Variants in TAF3 observed in about 807,000 individuals in gnomAD.
The protein encoded by TAF3 is transcription initiation factor TFIID subunit 3.
In TAF3, 7 loss-of-function variants were observed where a neutral mutation model predicts 80.6. The observed-to-expected ratio is 0.09, with a 90% CI of 0.05 to 0.16. TAF3 has a LOEUF of 0.16. Among genes scored for constraint, TAF3 ranks in the 10% least tolerant of loss-of-function variants. The pLI is 1.00. For missense variants in TAF3, 921 were observed against 1,140.2 expected (o/e 0.81, Z 2.77); for synonymous variants, 444 against 446.1 (o/e 1.00, Z 0.06).
intron 2 of TAF3, among the ~76,000 whole-genome samples, chr10:7,887,460 A>C (rs1285365656): frequency 6.6e-6 from 1 of 152,042 alleles, no homozygotes; most frequent in Non-Finnish European, 1.5e-5. Context: ...GAGACTCCGG[A>C]TGTAGCTCTT....
At chr10:7,917,544 A>T (rs4749351) in intron 2 of TAF3, among the ~76,000 whole-genome samples, 28,213 of 152,080 alleles carry the variant, frequency 0.19, 2,837 homozygotes, top group East Asian at 0.3. Context: ...TGGACTTGGG[A>T]TTTTTTTCTA....
intron 2 of TAF3, among the ~76,000 whole-genome samples, chr10:7,920,328 G>A (rs12246740): frequency 2.4e-4 from 8 of 33,534 alleles, no homozygotes; most frequent in East Asian, 4.2e-3. Context: ...GTGTGTGTGT[G>A]TGTATGTGTG....
At position 7,818,873 on chromosome 10, in the gene TAF3, T is replaced by C; in HGVS notation, c.164T>C (p.Leu55Pro). The C allele has an allele frequency of 6.8e-7, 1 of 1,479,974 alleles. No individual in the cohort carries two copies. Among genetic ancestry groups the C allele is most frequent in the Non-Finnish European group, 8.9e-7 (1 of 1,124,102 alleles). 91.7% of individuals were successfully genotyped at this position (1,479,974 alleles called of 1,614,324 possible). Residue 55 changes from leucine (L) to proline (P), a missense_variant and splice_region_variant, in exon 1 of 7, where the codon CTC (leucine) becomes CCC (proline). By Grantham distance (98) the Leu-to-Pro change is moderately conservative. Around this residue, in one of 6 missense-constraint regions of TAF3, gnomAD observed 106 missense variants for 191.8 expected, o/e 0.55. Coordinates refer to ENST00000344293, the MANE Select transcript of TAF3 (RefSeq NM_031923.4). ...CGGGGCTGCCATCGGTACTCTGAGC[T>C]CTGTGAGTACCGGGCTGGGTGCGGG... ...LGRGCHRYSE[L>P]YGRTDPILDD...
chr10:7,846,949 T>G (rs1836978397), intron 2 of TAF3, among the ~76,000 whole-genome samples: 1 of 152,216 alleles, frequency 6.6e-6, no homozygotes, highest in Non-Finnish European at 1.5e-5. Flanking sequence ...ATTTCAAGAA[T>G]AGATTAAAAA....
intron 3 of TAF3, among the ~76,000 whole-genome samples, chr10:7,967,943 A>AG (rs1831588529): frequency 6.6e-6 from 1 of 152,238 alleles, no homozygotes; most frequent in African/African-American, 2.4e-5. Flanking sequence ...AGGACAACCC[A>AG]GGGAAATGCC....
intron 2 of TAF3, among the ~76,000 whole-genome samples, chr10:7,877,163 G>A (rs983503829): frequency 6.6e-6 from 1 of 151,820 alleles, no homozygotes; most frequent in Admixed American, 6.6e-5. Flanking sequence ...CACAAATTTA[G>A]GTGATAATTA....
intron 4 of TAF3, among the ~76,000 whole-genome samples, chr10:7,983,890 C>A (rs1385460709): frequency 6.6e-6 from 1 of 151,264 alleles, no homozygotes; most frequent in East Asian, 1.9e-4. Context: ...AGCAAAATAA[C>A]AACAATGACA....
chr10:7,957,824 T>C (rs1477668502), intron 2 of TAF3, among the ~76,000 whole-genome samples: 1 of 151,478 alleles, frequency 6.6e-6, no homozygotes, highest in African/African-American at 2.4e-5. Context: ...TCTCTCTCTC[T>C]CTCGATGTTG....
chr10:7,913,658 C>T (rs1044482644), intron 2 of TAF3, among the ~76,000 whole-genome samples: 6 of 152,162 alleles, frequency 3.9e-5, no homozygotes, highest in African/African-American at 1.2e-4. Context: ...GCAATGTGGT[C>T]GCTGTGCCAG....
Position 7,863,626 on chromosome 10 carries a change from A to AAAAAATATAT in TAF3, c.409+39067_409+39068insAAAATATATA, listed in dbSNP as rs1218836662. Among the ~76,000 whole-genome samples, 10 of 48,098 alleles carry AAAAAATATAT rather than the reference A, an allele frequency of 2.1e-4. 1 individual carries two copies. Among genetic ancestry groups the AAAAAATATAT allele is most frequent in the East Asian group, 1.0e-3 (1 of 972 alleles). 31.6% of individuals were successfully genotyped at this position (48,098 alleles called of 152,430 possible). On this transcript the variant is annotated intron_variant, in intron 2 of 6. Coordinates refer to ENST00000344293, the MANE Select transcript of TAF3 (RefSeq NM_031923.4). ...CTCTGTCTAAAAAAAAAAAAAAAAA[A>AAAAAATATAT]ATATATATATATATATATATACACA...
chr10:7,843,523 T>C (rs1836939918), intron 2 of TAF3, among the ~76,000 whole-genome samples: 1 of 152,208 alleles, frequency 6.6e-6, no homozygotes, highest in African/African-American at 2.4e-5. Flanking sequence ...CTTAGTCATA[T>C]TGAAGATGTT....
intron 2 of TAF3, among the ~76,000 whole-genome samples, chr10:7,865,337 G>GGC (rs1837200353): frequency 6.6e-6 from 1 of 152,160 alleles, no homozygotes. Flanking sequence ...AAATTAGCCA[G>GGC]GTATGGTGGC....
intron 2 of TAF3, among the ~76,000 whole-genome samples, chr10:7,826,820 A>G (rs897181681): frequency 4.6e-5 from 7 of 152,190 alleles, no homozygotes; most frequent in African/African-American, 1.4e-4. Context: ...ACCATACAAG[A>G]CCATTTCTTG....
chr10:7,921,753 G>C (rs1349126179), intron 2 of TAF3, among the ~76,000 whole-genome samples: 1 of 152,098 alleles, frequency 6.6e-6, no homozygotes, highest in Non-Finnish European at 1.5e-5. Flanking sequence ...TGAGATTTCA[G>C]CCAAATGGCT....
intron 2 of TAF3, among the ~76,000 whole-genome samples, chr10:7,897,653 T>A (rs1837517383): frequency 6.6e-6 from 1 of 151,428 alleles, no homozygotes; most frequent in African/African-American, 2.4e-5. Context: ...ATTCTCTCTC[T>A]CTCTCTCTTT....
chr10:7,922,075 G>T (rs1388398050), intron 2 of TAF3, among the ~76,000 whole-genome samples: 1 of 152,020 alleles, frequency 6.6e-6, no homozygotes, highest in Non-Finnish European at 1.5e-5. Flanking sequence ...AACAGTGATG[G>T]CCTGTTTACT....
intron 2 of TAF3, among the ~76,000 whole-genome samples, chr10:7,915,771 G>C (rs1837706277): frequency 6.6e-6 from 1 of 151,940 alleles, no homozygotes. Context: ...TTGAGGTCAG[G>C]AGTTTGTGAC....
intron 2 of TAF3, among the ~76,000 whole-genome samples, chr10:7,851,508 CT>C (rs150789361): frequency 0.052 from 7,764 of 149,350 alleles, 231 homozygotes; most frequent in South Asian, 0.1. Context: ...GTTAAAACAA[CT>C]TTTTTTTTTA....
At chr10:7,942,227 C>T (rs1432562473) in intron 2 of TAF3, among the ~76,000 whole-genome samples, 2 of 152,094 alleles carry the variant, frequency 1.3e-5, no homozygotes, top group Non-Finnish European at 2.9e-5. Context: ...GCATAAATTG[C>T]GTTTTGTCGA....
Sources: gnomAD v4.1 joint callset for allele counts (sites outside exome capture counted in the v4.1 genomes callset) on GRCh38, gnomAD v4.1.1 for gene constraint, gnomAD v4.1.1 regional missense constraint, MANE v1.5 for transcripts, NCBI Gene and HGNC (gene_info 2026-07-23, HGNC 2026-07-21) for gene names.